The following CSMD3 variants were observed in gnomAD, a reference collection of about 807,000 sequenced individuals.
The protein encoded by CSMD3 is CUB and sushi domain-containing protein 3.
Under a neutral mutation model 435.2 loss-of-function variants are expected in CSMD3, and 177 were observed. The ratio of observed to expected loss-of-function variants is 0.41; its 90% CI spans 0.36 to 0.46. The LOEUF (loss-of-function observed/expected upper bound fraction) is 0.46, where lower values mean the gene tolerates loss of function less well. CSMD3 is among the 20% of genes least tolerant of loss of function. CSMD3 has a pLI of 0.34. For missense variants in CSMD3, 4,265 were observed against 4,504.6 expected, an observed-to-expected ratio of 0.95 and a Z score of 1.52; for synonymous variants, 1,656 against 1,520.5, an observed-to-expected ratio of 1.09 and a Z score of -2.07.
intron 63 of CSMD3, among the ~76,000 whole-genome samples, chr8:112,248,228 T>G (rs1218890762): frequency 6.6e-6 from 1 of 152,070 alleles, no homozygotes; most frequent in Non-Finnish European, 1.5e-5. Flanking sequence ...TATACTCCAC[T>G]CCACCCCAGG....
intron 1 of CSMD3, among the ~76,000 whole-genome samples, chr8:113,392,428 A>G (rs943746580): frequency 6.6e-6 from 1 of 152,108 alleles, no homozygotes; most frequent in African/African-American, 2.4e-5. Context: ...TGCAGTGGCT[A>G]TGGGAGTTCT....
At chr8:113,314,452 T>G (rs2093894242) in intron 2 of CSMD3, 119 bp downstream of exon 2, 1 of 693,894 alleles carries the variant, frequency 1.4e-6, no homozygotes, top group African/African-American at 1.8e-5. Flanking sequence ...AAATAATAAT[T>G]AGATGGTGAA....
At chr8:112,418,879 C>T (rs369282776) in intron 32 of CSMD3, among the ~76,000 whole-genome samples, 8 of 152,210 alleles carry the variant, frequency 5.3e-5, no homozygotes, top group Admixed American at 1.3e-4. Flanking sequence ...TGTCATGTGA[C>T]GGTCACAAAT....
chr8:113,024,304 GTGTGTGTGTGTGTGTT>G (rs759810530), intron 5 of CSMD3, among the ~76,000 whole-genome samples: 13,543 of 34,420 alleles, frequency 0.39, 634 homozygotes, highest in South Asian at 0.43. Context: ...GTGTGTGTGT[GTGTGTGTGTGTGTGTT>G]TGTGTGTGTG....
At chr8:112,928,157 T>C (rs1322226881) in intron 9 of CSMD3, among the ~76,000 whole-genome samples, 1 of 152,062 alleles carries the variant, frequency 6.6e-6, no homozygotes, top group Non-Finnish European at 1.5e-5. Flanking sequence ...TCAAAAATAG[T>C]GTAATTCCAA....
At chr8:113,074,047 A>T (rs2089240919) in intron 5 of CSMD3, among the ~76,000 whole-genome samples, 1 of 151,816 alleles carries the variant, frequency 6.6e-6, no homozygotes. Flanking sequence ...GCTAAATATT[A>T]TCCTTGTTTT....
chr8:112,701,842 C>A (rs1377622017), intron 13 of CSMD3, among the ~76,000 whole-genome samples: 2 of 152,128 alleles, frequency 1.3e-5, no homozygotes, highest in African/African-American at 4.8e-5. Context: ...GGCATGACAT[C>A]TTCTCTGCCT....
intron 16 of CSMD3, among the ~76,000 whole-genome samples, chr8:112,676,851 GTATCCC>G (rs1445104940): frequency 1.3e-5 from 2 of 152,016 alleles, no homozygotes; most frequent in Non-Finnish European, 2.9e-5. Context: ...TCATGGCCTG[GTATCCC>G]TTTCAAGTTC....
chr8:112,922,936 C>A (rs2082792145), intron 9 of CSMD3, among the ~76,000 whole-genome samples: 1 of 152,066 alleles, frequency 6.6e-6, no homozygotes, highest in South Asian at 2.1e-4. Flanking sequence ...CTGCCTTTTC[C>A]TTCTTTCTCA....
intron 4 of CSMD3, among the ~76,000 whole-genome samples, chr8:113,144,752 T>A (rs1034494115): frequency 4.0e-5 from 6 of 151,542 alleles, no homozygotes; most frequent in African/African-American, 1.5e-4. Context: ...TTAACAAATA[T>A]CTAAAGAGAC....
At chr8:113,030,540 T>C (rs576479759) in intron 5 of CSMD3, among the ~76,000 whole-genome samples, 3 of 150,420 alleles carry the variant, frequency 2.0e-5, no homozygotes, top group Non-Finnish European at 3.0e-5. Flanking sequence ...AAATTGATCA[T>C]GGACTTAAAA....
At chr8:112,582,002 G>C (rs889891827) in intron 23 of CSMD3, among the ~76,000 whole-genome samples, 3 of 152,060 alleles carry the variant, frequency 2.0e-5, no homozygotes, top group Non-Finnish European at 4.4e-5. Flanking sequence ...GTTAGAGCAT[G>C]TGATATGGTT....
At chr8:112,956,968 C>T (rs890279605) in intron 7 of CSMD3, among the ~76,000 whole-genome samples, 7 of 151,904 alleles carry the variant, frequency 4.6e-5, no homozygotes, top group African/African-American at 7.3e-5. Context: ...GAATTAACAA[C>T]ATAAAATTTA....
intron 2 of CSMD3, among the ~76,000 whole-genome samples, chr8:113,295,459 A>G (rs1430277820): frequency 1.3e-5 from 2 of 152,226 alleles, no homozygotes; most frequent in Non-Finnish European, 2.9e-5. Context: ...CCATCAAAGA[A>G]CATTAACATA....
At chr8:113,127,600 A>G (rs2091171034) in intron 4 of CSMD3, among the ~76,000 whole-genome samples, 1 of 151,978 alleles carries the variant, frequency 6.6e-6, no homozygotes, top group Non-Finnish European at 1.5e-5. Context: ...CCACATCACC[A>G]GGTTTACTCC....
chr8:112,866,587 G>A (rs1168560594), intron 10 of CSMD3, among the ~76,000 whole-genome samples: 1 of 152,072 alleles, frequency 6.6e-6, no homozygotes, highest in African/African-American at 2.4e-5. Flanking sequence ...CCCTTTCTGT[G>A]GTTGTTCACC....
At chr8:113,407,850 A>G (rs2094539589) in intron 1 of CSMD3, among the ~76,000 whole-genome samples, 1 of 152,120 alleles carries the variant, frequency 6.6e-6, no homozygotes, top group South Asian at 2.1e-4. Context: ...AAAAGAAGTA[A>G]CATGTCAGTA....
intron 13 of CSMD3, among the ~76,000 whole-genome samples, chr8:112,697,160 AC>A (rs1280338081): frequency 6.6e-6 from 1 of 152,132 alleles, no homozygotes; most frequent in Non-Finnish European, 1.5e-5. Flanking sequence ...ATTGTGGAAG[AC>A]AGTGTGGCAA....
intron 49 of CSMD3, among the ~76,000 whole-genome samples, chr8:112,313,501 T>C (rs1822175840): frequency 6.6e-6 from 1 of 152,142 alleles, no homozygotes; most frequent in Non-Finnish European, 1.5e-5. Flanking sequence ...ACTATTAATA[T>C]TTTTTGTCAG....
Sources: allele counts gnomAD v4.1 joint callset (sites outside exome capture counted in the v4.1 genomes callset), GRCh38; gene constraint gnomAD v4.1.1; transcripts MANE v1.5; gene names NCBI Gene and HGNC (gene_info 2026-07-23, HGNC 2026-07-21).